KRT6B: variants seen among roughly 807,000 people sequenced by gnomAD.
The protein encoded by KRT6B is keratin, type II cytoskeletal 6B.
Under a neutral mutation model 44.7 loss-of-function variants are expected in KRT6B, and 29 were observed. The ratio of observed to expected loss-of-function variants is 0.65; its 90% CI spans 0.48 to 0.88. The LOEUF (loss-of-function observed/expected upper bound fraction) is 0.88, where lower values mean the gene tolerates loss of function less well. KRT6B is among the 40% of genes least tolerant of loss of function. The pLI is 0.00. For missense variants in KRT6B, 600 were observed against 724.0 expected (o/e 0.83, Z 1.97); for synonymous variants, 213 against 296.0 (o/e 0.72, Z 2.88).
intron 5 of KRT6B, among the ~76,000 whole-genome samples, 161 bp downstream of exon 5, chr12:52,449,308 G>C (rs1261850418): frequency 6.6e-6 from 1 of 152,182 alleles, no homozygotes; most frequent in African/African-American, 2.4e-5. Context: ...TCCTTGACTT[G>C]GGCATAAGTT....
intron 6 of KRT6B, among the ~76,000 whole-genome samples, 180 bp downstream of exon 6, chr12:52,448,662 T>A (rs1940349681): frequency 6.6e-6 from 1 of 152,198 alleles, no homozygotes; most frequent in Non-Finnish European, 1.5e-5. Context: ...TTGTTTCATA[T>A]CCTTGGGTGT....
chr12:52,449,510 G>T lies in KRT6B; in HGVS notation c.1036C>A (p.Gln346Lys). 1 of 1,614,176 alleles carries T rather than the reference G, an allele frequency of 6.2e-7. No individual in the cohort carries two copies. Among genetic ancestry groups the T allele is most frequent in the Non-Finnish European group, 8.5e-7 (1 of 1,180,042 alleles). The change falls in exon 5 of 9, where the codon CAG becomes AAG. Residue 346 changes from glutamine to lysine, a missense_variant. This residue lies in a region of KRT6B where 479 missense variants were observed against 454.2 expected (regional missense o/e 1.05). Transcript: ENST00000252252. ...GACTCAGCCTCAGCCCTGCTCCTCT[G>T]AGCAATCTCCTCATATTGGGCCTTG... ...EVKAQYEEIA[Q>K]RSRAEAESWY...
Position 52,447,387 on chromosome 12 carries a change from C to G in KRT6B, c.1498G>C (p.Ala500Pro). 6.2e-7 allele frequency: 1 copy of G among 1,613,912 alleles called. No homozygotes were observed. The highest frequency in any genetic ancestry group is 2.2e-5 in the East Asian group (1 of 44,882). ...CCTAAGCCACTGCCGACACCGCTGGCACCGCCATAGCCACTGGAGACGGTG... is the reference window on the plus strand; with the variant it reads ...CCTAAGCCACTGCCGACACCGCTGGGACCGCCATAGCCACTGGAGACGGTG... ...QSTVSSGYGG[A>P]SGVGSGLGLG... Residue 500 changes from alanine (A) to proline (P), a missense_variant, in exon 9 of 9, where the codon GCC becomes CCC. Physicochemically the swap from Ala to Pro is conservative, Grantham distance 27. Coordinates refer to ENST00000252252, the MANE Select transcript of KRT6B (RefSeq NM_005555.4).
chr12:52,447,510 A>G, intron 8 of KRT6B, 29 bp downstream of exon 8: 1 of 1,614,068 alleles, frequency 6.2e-7, no homozygotes, highest in East Asian at 2.2e-5. Flanking sequence ...GTGCAAGGGC[A>G]GGGGAGGAAG....
rs773498316 is a variant in KRT6B, at chr12:52,449,584, G to C, written c.962C>G (p.Ser321Cys). The C allele has an allele frequency of 1.2e-6, 2 of 1,614,226 alleles. No homozygotes were observed. Among genetic ancestry groups the C allele is most frequent in the Admixed American group, 3.3e-5 (2 of 60,028 alleles). The change falls in exon 5 of 9, where the codon TCC (serine) becomes TGC (cysteine). Residue 321 changes from serine to cysteine, a missense_variant. This residue lies in a region of KRT6B where 479 missense variants were observed against 454.2 expected (regional missense o/e 1.05). Transcript: ENST00000252252. ...GTCCAGGTTGCGGTTGTTGTCCATG[G>C]ATAGCACCACGGATGTGTCTGAGAT... Reference protein sequence around the residue: ...THISDTSVVLSMDNNRNLDLD... With the variant: ...THISDTSVVLCMDNNRNLDLD...
At position 52,447,317 on chromosome 12, in the gene KRT6B, A is replaced by G; in HGVS notation, c.1568T>C (p.Val523Ala). The change falls in exon 9 of 9, where the codon GTT becomes GCT. Residue 523 changes from valine (V) to alanine (A), a missense_variant. Physicochemically the swap from Val to Ala is moderately conservative, Grantham distance 64. This residue lies in a region of KRT6B where 479 missense variants were observed against 454.2 expected (regional missense o/e 1.05). Transcript: ENST00000252252. ...GCTGCTGGAACTAAAGCCGCCTCCA[A>G]CGCCAAGACCACTGCCATAGGAGTA... Reference protein sequence around the residue: ...SSYSYGSGLGVGGGFSSSSGR... With the variant: ...SSYSYGSGLGAGGGFSSSSGR... 1 of 1,614,028 alleles carries G rather than the reference A, an allele frequency of 6.2e-7. No homozygotes were observed. The highest frequency in any genetic ancestry group is 8.5e-7 in the Non-Finnish European group (1 of 1,179,888).
chr12:52,447,475 T>C, intron 8 of KRT6B, 50 bp from the exon 9 acceptor site: 3 of 1,613,938 alleles, frequency 1.9e-6, no homozygotes, highest in Non-Finnish European at 2.5e-6. Flanking sequence ...GAGTTCATCC[T>C]GCCGGCCTGA....
At chr12:52,450,963 G>A (rs1417506650) in intron 1 of KRT6B, among the ~76,000 whole-genome samples, 35 of 152,108 alleles carry the variant, frequency 2.3e-4, no homozygotes, top group Admixed American at 2.2e-3. Context: ...TTTACCGAGA[G>A]GATCTTAGTT....
Position 52,447,789 on chromosome 12 carries a change from G to A in KRT6B, c.1413C>T (p.Gly471=), listed in dbSNP as rs747596381. The A allele has an allele frequency of 1.8e-5, 29 of 1,614,056 alleles. No homozygotes were observed. The highest frequency in any genetic ancestry group is 1.7e-5 in the Admixed American group (1 of 60,008). The change falls in exon 7 of 9, where the codon GGC becomes GGT. Residue 471 remains glycine, a synonymous_variant. Transcript: ENST00000252252. ...EIATYRKLLE[G]EECRLNGEGV... is the part of the protein sequence containing the mutation. ...CGTCAGTTACCCACCTGCACTCCTCGCCCTCCAGCAGCTTGCGGTAGGTGG... is the reference window on the plus strand; with the variant it reads ...CGTCAGTTACCCACCTGCACTCCTCACCCTCCAGCAGCTTGCGGTAGGTGG...
Position 52,452,108 on chromosome 12 carries a change from G to T in KRT6B, c.-30C>A, listed in dbSNP as rs1420048443. ...CCAGGAGATGAGAGGGCTTAGGAGA[G>T]TGTGAGAGGCTGGAGGCGAGAGGGA... On this transcript the variant is annotated 5_prime_UTR_variant, in exon 1 of 9. Coordinates refer to ENST00000252252, the MANE Select transcript of KRT6B (RefSeq NM_005555.4). The T allele has an allele frequency of 6.2e-7, 1 of 1,614,170 alleles. No individual in the cohort carries two copies. Among genetic ancestry groups the T allele is most frequent in the Non-Finnish European group, 8.5e-7 (1 of 1,180,030 alleles).
At position 52,447,534 on chromosome 12, in the gene KRT6B, C is replaced by T. The variant is rs767791625; in HGVS notation, c.1459+5G>A. The T allele has an allele frequency of 5.0e-6, 8 of 1,613,900 alleles. No homozygotes were observed. Among genetic ancestry groups the T allele is most frequent in the African/African-American group, 4.0e-5 (3 of 74,936 alleles). On this transcript the variant is annotated splice_donor_5th_base_variant and intron_variant, in intron 8 of 8. Coordinates refer to ENST00000252252, the MANE Select transcript of KRT6B (RefSeq NM_005555.4). ...CAGGGGAGGAAGGCAAACAAAGGTACTTACAGATGTTGACTTGTCCAACGC... is the reference window on the plus strand; with the variant it reads ...CAGGGGAGGAAGGCAAACAAAGGTATTTACAGATGTTGACTTGTCCAACGC...
intron 6 of KRT6B, among the ~76,000 whole-genome samples, chr12:52,448,395 G>T (rs1940346436): frequency 6.6e-6 from 1 of 152,160 alleles, no homozygotes; most frequent in Non-Finnish European, 1.5e-5. Flanking sequence ...TTGTGACCTT[G>T]CCTTCCTCCT....
Position 52,452,130 on chromosome 12 carries a change from G to A in KRT6B, c.-52C>T. On this transcript the variant is annotated 5_prime_UTR_variant, in exon 1 of 9. Transcript: ENST00000252252. ...AGAGTGTGAGAGGCTGGAGGCGAGAGGGAGGAGAAGCAGGACGAGGAATCG... is the reference window on the plus strand; with the variant it reads ...AGAGTGTGAGAGGCTGGAGGCGAGAAGGAGGAGAAGCAGGACGAGGAATCG... The A allele has an allele frequency of 4.3e-6, 7 of 1,613,376 alleles. No homozygotes were observed. Among genetic ancestry groups the A allele is most frequent in the Non-Finnish European group, 5.9e-6 (7 of 1,179,676 alleles).
Position 52,448,901 on chromosome 12 carries a change from C to G in KRT6B, c.1144G>C (p.Ala382Pro). ...CTCTGGATCATGCGGTTGATCTCAG[C>G]AATCTCCTGCTTGGTGTTGCGCAGG... ...DDLRNTKQEIAEINRMIQRLR... is the reference protein window; with the variant it reads ...DDLRNTKQEIPEINRMIQRLR... Residue 382 changes from alanine to proline, a missense_variant, in exon 6 of 9, where the codon GCT becomes CCT. Ala to Pro is a conservative substitution (Grantham distance 27). Around this residue, in one of 4 missense-constraint regions of KRT6B, gnomAD observed 479 missense variants for 454.2 expected, o/e 1.05. Coordinates refer to ENST00000252252, the MANE Select transcript of KRT6B (RefSeq NM_005555.4). 1 of 1,614,036 alleles carries G rather than the reference C, an allele frequency of 6.2e-7. No individual in the cohort carries two copies. The highest frequency in any genetic ancestry group is 8.5e-7 in the Non-Finnish European group (1 of 1,180,012).
Position 52,452,001 on chromosome 12 carries a change from A to T in KRT6B, c.78T>A (p.Pro26=), listed in dbSNP as rs766003979. The T allele has an allele frequency of 5.6e-6, 9 of 1,613,760 alleles. No homozygotes were observed. Among genetic ancestry groups the T allele is most frequent in the Non-Finnish European group, 6.8e-6 (8 of 1,179,856 alleles). The change falls in exon 1 of 9, where the codon CCT becomes CCA. Residue 26 remains proline (P), a synonymous_variant. Transcript: ENST00000252252. ...RGFSANSARL[P]GVSRSGFSSI... Reference sequence around the variant, plus strand: ...TGCTGAAGCCAGAGCGGCTGACCCCAGGGAGCCTGGCTGAGTTGGCACTGA... The same window carrying T: ...TGCTGAAGCCAGAGCGGCTGACCCCTGGGAGCCTGGCTGAGTTGGCACTGA...
chr12:52,451,419 T>C, intron 1 of KRT6B, 120 bp downstream of exon 1: 2 of 1,589,326 alleles, frequency 1.3e-6, no homozygotes, highest in Non-Finnish European at 1.7e-6. Flanking sequence ...ACCTGCACTC[T>C]CTGCAGAGCT....
chr12:52,450,333 G>A (rs965367157), intron 2 of KRT6B, 73 bp downstream of exon 2: 1 of 1,550,644 alleles, frequency 6.4e-7, no homozygotes, highest in Non-Finnish European at 8.9e-7. Flanking sequence ...TGGGTTGTTA[G>A]GAATCCTACA....
In KRT6B at chr12:52,448,899, A is replaced by T. The variant is rs1940353329; in HGVS notation, c.1146T>A (p.Ala382=). 1 of 1,613,876 alleles carries T rather than the reference A, an allele frequency of 6.2e-7. No individual in the cohort carries two copies. The highest frequency in any genetic ancestry group is 8.5e-7 in the Non-Finnish European group (1 of 1,180,006). The change falls in exon 6 of 9, where the codon GCT becomes GCA. Residue 382 remains alanine, a synonymous_variant. Coordinates refer to ENST00000252252, the MANE Select transcript of KRT6B (RefSeq NM_005555.4). ...GCCTCTGGATCATGCGGTTGATCTC[A>T]GCAATCTCCTGCTTGGTGTTGCGCA... ...DDLRNTKQEI[A]EINRMIQRLR... is the part of the protein sequence containing the mutation.
intron 1 of KRT6B, among the ~76,000 whole-genome samples, chr12:52,450,893 A>G (rs71455204): frequency 1.9e-4 from 29 of 152,322 alleles, no homozygotes; most frequent in African/African-American, 4.3e-4. Flanking sequence ...TCTTTTTCCA[A>G]GCACAATCAC....
Sources: gnomAD v4.1 joint callset for allele counts (sites outside exome capture counted in the v4.1 genomes callset) on GRCh38, gnomAD v4.1.1 for gene constraint, gnomAD v4.1.1 regional missense constraint, MANE v1.5 for transcripts, NCBI Gene and HGNC (gene_info 2026-07-23, HGNC 2026-07-21) for gene names.